Variants in SWAP70 observed in about 807,000 individuals in gnomAD.
SWAP70 encodes the protein switching B cell complex subunit SWAP70.
SWAP70 carries 34 observed loss-of-function variants against 80.2 expected under a neutral mutation model. That is an observed-to-expected ratio of 0.42 (90% CI 0.32 to 0.56). The LOEUF (loss-of-function observed/expected upper bound fraction) is 0.56, where lower values mean the gene tolerates loss of function less well. Ranked by LOEUF, SWAP70 falls within the 20% of genes least tolerant of loss-of-function variation. The pLI is 0.09. For missense variants in SWAP70, 578 were observed against 690.7 expected, an observed-to-expected ratio of 0.84 and a Z score of 1.83; for synonymous variants, 239 against 238.5, an observed-to-expected ratio of 1.00 and a Z score of -0.02.
chr11:9,727,746 A>G (rs1011056727), intron 4 of SWAP70, among the ~76,000 whole-genome samples: 22 of 152,202 alleles, frequency 1.4e-4, no homozygotes, highest in Admixed American at 1.2e-3. Flanking sequence ...AGGTATCTCT[A>G]AAAGATAATG....
intron 3 of SWAP70, among the ~76,000 whole-genome samples, chr11:9,720,762 T>C (rs909228657): frequency 5.9e-5 from 9 of 152,156 alleles, no homozygotes; most frequent in Admixed American, 5.2e-4. Context: ...CAATTGTTTA[T>C]CTTAATGTCC....
At chr11:9,701,433 A>G (rs1361663203) in intron 2 of SWAP70, among the ~76,000 whole-genome samples, 1 of 151,904 alleles carries the variant, frequency 6.6e-6, no homozygotes, top group Non-Finnish European at 1.5e-5. Context: ...CGGCCTCCCA[A>G]AATGCTGGGA....
chr11:9,706,893 T>C (rs1383695308), intron 2 of SWAP70, among the ~76,000 whole-genome samples: 1 of 151,334 alleles, frequency 6.6e-6, no homozygotes, highest in Non-Finnish European at 1.5e-5. Flanking sequence ...CTTTGCAGCA[T>C]TTTTTTCCTT....
intron 4 of SWAP70, among the ~76,000 whole-genome samples, chr11:9,727,163 G>T (rs1248965894): frequency 6.6e-6 from 1 of 151,808 alleles, no homozygotes; most frequent in Non-Finnish European, 1.5e-5. Flanking sequence ...GGCTGAGGTG[G>T]GCGGATCACG....
chr11:9,698,109 T>G (rs1850783936), intron 2 of SWAP70, among the ~76,000 whole-genome samples: 1 of 148,144 alleles, frequency 6.8e-6, no homozygotes, highest in Non-Finnish European at 1.5e-5. Flanking sequence ...TGTTTTTTTT[T>G]TTTTTTTTTG....
chr11:9,719,480 G>C (rs1160752159), intron 3 of SWAP70, among the ~76,000 whole-genome samples: 1 of 152,062 alleles, frequency 6.6e-6, no homozygotes, highest in Non-Finnish European at 1.5e-5. Context: ...CCCAGGAGGT[G>C]GAGGTTGCAG....
Position 9,683,510 on chromosome 11 carries a change from G to A in SWAP70, c.100-10636G>A, listed in dbSNP as rs931484515. On this transcript the variant is annotated intron_variant, in intron 1 of 11. Coordinates refer to ENST00000318950, the MANE Select transcript of SWAP70 (RefSeq NM_015055.4). Reference sequence around the variant, plus strand: ...GAGGGGGTGATTCAGACTGCCAACTGCCAGACCTTTGGGAGAGTGACTTGG... The same window carrying A: ...GAGGGGGTGATTCAGACTGCCAACTACCAGACCTTTGGGAGAGTGACTTGG... Among the ~76,000 whole-genome samples the A allele has an allele frequency of 2.6e-5, 4 of 152,296 alleles. No individual in the cohort carries two copies. In the Middle Eastern group the frequency reaches 0.01, roughly 389 times the overall value.
chr11:9,723,181 G>A (rs1004929545), intron 3 of SWAP70, among the ~76,000 whole-genome samples: 2 of 152,120 alleles, frequency 1.3e-5, no homozygotes, highest in African/African-American at 4.8e-5. Context: ...GCGACCTGGA[G>A]GTACAGATAC....
At chr11:9,730,238 C>T (rs977752840) in intron 6 of SWAP70, among the ~76,000 whole-genome samples, 2 of 151,384 alleles carry the variant, frequency 1.3e-5, no homozygotes, top group African/African-American at 4.9e-5. Context: ...TGCCTATAAT[C>T]CCAGCACTTT....
In SWAP70 at chr11:9,713,495, C is replaced by T. The variant is rs758146962; in HGVS notation, c.270C>T (p.Phe90=). The T allele has an allele frequency of 1.2e-6, 2 of 1,612,642 alleles. No homozygotes were observed. Among genetic ancestry groups the T allele is most frequent in the East Asian group, 4.5e-5 (2 of 44,846 alleles). The stretch of plus-strand genomic sequence containing the variant: ...AAGACAACTTTGACAAGATTGAATT[C>T]AATAGGATGTGTTGGACCCTCTGTG... The part of the protein sequence containing the change: ...KVQDNFDKIE[F]NRMCWTLCVK... Residue 90 remains phenylalanine, a synonymous_variant, in exon 3 of 12, where the codon TTC becomes TTT. Coordinates refer to ENST00000318950, the MANE Select transcript of SWAP70 (RefSeq NM_015055.4).
intron 2 of SWAP70, among the ~76,000 whole-genome samples, chr11:9,709,293 T>TAAA (rs35566060): frequency 1.3e-5 from 2 of 151,458 alleles, no homozygotes; most frequent in Admixed American, 6.6e-5. Context: ...CTCAGCTAAT[T>TAAA]AAAAAAAATG....
At chr11:9,726,020 C>G (rs1448473499) in intron 4 of SWAP70, among the ~76,000 whole-genome samples, 1 of 151,590 alleles carries the variant, frequency 6.6e-6, no homozygotes, top group Non-Finnish European at 1.5e-5. Flanking sequence ...GTAGAGCTGT[C>G]AGGAAGGTGC....
At chr11:9,674,784 G>GGCT (rs1850465787) in intron 1 of SWAP70, among the ~76,000 whole-genome samples, 1 of 151,870 alleles carries the variant, frequency 6.6e-6, no homozygotes, top group Non-Finnish European at 1.5e-5. Flanking sequence ...CTAACACGGT[G>GGCT]AAACCCCTTC....
chr11:9,721,293 A>G (rs1851132015), intron 3 of SWAP70, among the ~76,000 whole-genome samples: 1 of 152,158 alleles, frequency 6.6e-6, no homozygotes, highest in South Asian at 2.1e-4. Flanking sequence ...ACAGTAGATG[A>G]CATATCTCCA....
intron 2 of SWAP70, among the ~76,000 whole-genome samples, chr11:9,699,032 G>T (rs1169385928): frequency 6.6e-6 from 1 of 152,116 alleles, no homozygotes; most frequent in Non-Finnish European, 1.5e-5. Context: ...AAAACCACAT[G>T]ATAATGAAAG....
At position 9,664,281 on chromosome 11, in the gene SWAP70, G is replaced by A; in HGVS notation, c.99+3G>A. On this transcript the variant is annotated splice_donor_region_variant and intron_variant, in intron 1 of 11. Coordinates refer to ENST00000318950, the MANE Select transcript of SWAP70 (RefSeq NM_015055.4). ...AGGTCTCCAAGTCCCAGCTCAAGGT[G>A]GGCGCCTCCTGACCCGGCCCCCCAC... 1 of 1,566,958 alleles carries A rather than the reference G, an allele frequency of 6.4e-7. No homozygotes were observed. Among genetic ancestry groups the A allele is most frequent in the Non-Finnish European group, 8.6e-7 (1 of 1,157,016 alleles).
At chr11:9,749,019 C>A in intron 10 of SWAP70, 68 bp from the exon 11 acceptor site, 1 of 931,876 alleles carries the variant, frequency 1.1e-6, no homozygotes, top group East Asian at 2.7e-5. Flanking sequence ...AGTAAGGGCC[C>A]AATAGTTGTG....
chr11:9,676,648 GTTTTTTT>G (rs776925174), intron 1 of SWAP70, among the ~76,000 whole-genome samples: 1 of 135,386 alleles, frequency 7.4e-6, no homozygotes, highest in African/African-American at 2.7e-5. Context: ...TATAGATGCA[GTTTTTTT>G]TTTTTTTTTT....
intron 4 of SWAP70, 96 bp from the exon 5 acceptor site, chr11:9,727,957 A>T: frequency 8.5e-7 from 1 of 1,175,448 alleles, no homozygotes; most frequent in Non-Finnish European, 1.2e-6. Context: ...TCAGGATCAT[A>T]TATCAAATAA....
Sources: gnomAD v4.1 joint callset for allele counts (sites outside exome capture counted in the v4.1 genomes callset) on GRCh38, gnomAD v4.1.1 for gene constraint, MANE v1.5 for transcripts, NCBI Gene and HGNC (gene_info 2026-07-23, HGNC 2026-07-21) for gene names.